The following PARD3 variants were observed in gnomAD, a reference collection of about 807,000 sequenced individuals.
PARD3 encodes the protein partitioning defective 3 homolog.
In PARD3, 75 loss-of-function variants were observed where a neutral mutation model predicts 155.4. The ratio of observed to expected loss-of-function variants is 0.48; its 90% confidence interval spans 0.40 to 0.58. The LOEUF (loss-of-function observed/expected upper bound fraction) is 0.58, where lower values mean the gene tolerates loss of function less well. Among genes scored for constraint, PARD3 ranks in the 20% least tolerant of loss-of-function variants. The pLI, the probability that PARD3 is intolerant of heterozygous loss-of-function variation, is 0.00. For missense variants in PARD3, 1,642 were observed against 1,721.7 expected, an observed-to-expected ratio of 0.95 and a Z score of 0.82; for synonymous variants, 576 against 610.5, an observed-to-expected ratio of 0.94 and a Z score of 0.83.
rs1564416239 is a variant in PARD3 at position 34,129,687 on chromosome 10, TAATGTCAAGCCTC to T, written c.3540+1763_3540+1775del. 7.0e-5 allele frequency among the ~76,000 whole-genome samples: 6 copies of T among 86,100 alleles called. 1 individual carries two copies. The highest frequency in any genetic ancestry group is 1.2e-4 in the Non-Finnish European group (4 of 34,552). 56.5% of individuals were successfully genotyped at this position (86,100 alleles called of 152,430 possible). A position where few individuals can be genotyped will look rare whatever the true frequency, so the allele number is the denominator to read the frequency against. On this transcript the variant is annotated intron_variant, in intron 23 of 24. Transcript: ENST00000374788. ...CAAATCAAATGTTCCTTTTTTTTTG[TAATGTCAAGCCTC>T]TTTTTTTTTTTTTTTTTTGAGCCAG...
chr10:34,657,521 AGTTTT>A (rs1158679958), intron 2 of PARD3, among the ~76,000 whole-genome samples: 5 of 138,088 alleles, frequency 3.6e-5, no homozygotes, highest in Non-Finnish European at 7.6e-5. Flanking sequence ...TCTGCTTCTC[AGTTTT>A]GTTTTGTTTG....
At chr10:34,189,002 G>A (rs1216962870) in intron 22 of PARD3, among the ~76,000 whole-genome samples, 3 of 152,030 alleles carry the variant, frequency 2.0e-5, no homozygotes, top group Non-Finnish European at 4.4e-5. Context: ...TCCTTCCAGA[G>A]GTTTTACGAG....
chr10:34,681,872 T>C (rs1325301749), intron 2 of PARD3, among the ~76,000 whole-genome samples: 1 of 143,352 alleles, frequency 7.0e-6, no homozygotes, highest in Non-Finnish European at 1.5e-5. Flanking sequence ...CCTCCCACTT[T>C]GGCCTCCCAA....
At chr10:34,176,810 T>C (rs140550182) in intron 22 of PARD3, among the ~76,000 whole-genome samples, 1,629 of 152,328 alleles carry the variant, frequency 0.011, 10 homozygotes, top group Middle Eastern at 0.02. Flanking sequence ...AGTCAGCCAA[T>C]GGTAAAACTC....
rs548009118 is a variant in PARD3, at chr10:34,711,634, G to A, written c.121-15215C>T. Among the ~76,000 whole-genome samples the A allele has an allele frequency of 1.8e-3, 277 of 152,276 alleles. 1 individual carries two copies. Among genetic ancestry groups the A allele is most frequent in the African/African-American group, 6.4e-3 (264 of 41,546 alleles). On this transcript the variant is annotated intron_variant, in intron 1 of 24. Coordinates refer to ENST00000374788, the MANE Select transcript of PARD3 (RefSeq NM_001184785.2). The stretch of plus-strand genomic sequence containing the variant: ...TCTCCAAAGGCAGGGGCCATCTTCA[G>A]CTTTTTTTAGCATAGAACAAACAAA...
chr10:34,335,368 TAATTA>T (rs1836062971), intron 18 of PARD3, among the ~76,000 whole-genome samples: 3 of 151,986 alleles, frequency 2.0e-5, no homozygotes, highest in African/African-American at 7.2e-5. Context: ...AAATTGAAGC[TAATTA>T]GTGCTAAGTA....
Position 34,368,410 on chromosome 10 carries a change from C to G in PARD3, c.1707+4088G>C, listed in dbSNP as rs906132486. Among the ~76,000 whole-genome samples the G allele has an allele frequency of 2.6e-5, 4 of 152,212 alleles. No homozygotes were observed. The South Asian group carries it at 8.3e-4, about 32-fold the overall frequency. Reference sequence around the variant, plus strand: ...AGAGCAGGCCGGGCGCGGTGGCTCACGCGTGTAATTCCAGCACTTTGGGAG... The same window carrying G: ...AGAGCAGGCCGGGCGCGGTGGCTCAGGCGTGTAATTCCAGCACTTTGGGAG... On this transcript the variant is annotated intron_variant, in intron 12 of 24. Transcript: ENST00000374788.
At chr10:34,703,365 T>A (rs2094312942) in intron 1 of PARD3, among the ~76,000 whole-genome samples, 1 of 151,558 alleles carries the variant, frequency 6.6e-6, no homozygotes, top group African/African-American at 2.4e-5. Flanking sequence ...CTCTAGCCTG[T>A]GTGACAGACA....
intron 2 of PARD3, among the ~76,000 whole-genome samples, chr10:34,552,936 C>T (rs2084704166): frequency 6.6e-6 from 1 of 152,108 alleles, no homozygotes; most frequent in Non-Finnish European, 1.5e-5. Flanking sequence ...AACAGTAACA[C>T]CAACTGAAAC....
At chr10:34,646,097 TA>T (rs1450870822) in intron 2 of PARD3, among the ~76,000 whole-genome samples, 2 of 152,172 alleles carry the variant, frequency 1.3e-5, no homozygotes, top group Non-Finnish European at 2.9e-5. Context: ...AAGTTAGAAA[TA>T]ACTGAATATA....
chr10:34,165,916 T>C (rs59887155), intron 22 of PARD3, among the ~76,000 whole-genome samples: 10,858 of 152,236 alleles, frequency 0.071, 997 homozygotes, highest in East Asian at 0.3. Flanking sequence ...CCTGAATATG[T>C]TGACAACATT....
intron 2 of PARD3, among the ~76,000 whole-genome samples, chr10:34,620,459 T>G (rs577054800): frequency 1.3e-5 from 2 of 152,362 alleles, no homozygotes; most frequent in African/African-American, 4.8e-5. Context: ...ATAAAAGAGC[T>G]GAAGTCAACA....
At chr10:34,332,829 CT>C (rs1296460083) in intron 18 of PARD3, among the ~76,000 whole-genome samples, 7 of 152,112 alleles carry the variant, frequency 4.6e-5, no homozygotes, top group Non-Finnish European at 4.4e-5. Flanking sequence ...ATCCATCTTA[CT>C]TTTTCTCTGG....
intron 2 of PARD3, among the ~76,000 whole-genome samples, chr10:34,657,746 C>A (rs2093215311): frequency 6.6e-6 from 1 of 151,932 alleles, no homozygotes; most frequent in Non-Finnish European, 1.5e-5. Context: ...GCCATGTTGG[C>A]CAAGCTGGTC....
chr10:34,288,533 A>G (rs1426074354), intron 20 of PARD3, among the ~76,000 whole-genome samples: 1 of 152,218 alleles, frequency 6.6e-6, no homozygotes, highest in African/African-American at 2.4e-5. Context: ...CCTAATTTAT[A>G]GTTGCTTAAT....
At chr10:34,505,047 AACTC>A (rs1225001195) in intron 3 of PARD3, among the ~76,000 whole-genome samples, 1 of 152,174 alleles carries the variant, frequency 6.6e-6, no homozygotes, top group Non-Finnish European at 1.5e-5. Context: ...AAAAAAAAAG[AACTC>A]TTGTTTATTG....
intron 5 of PARD3, among the ~76,000 whole-genome samples, chr10:34,448,131 C>CTGTGTG (rs1303608645): frequency 5.3e-5 from 6 of 112,752 alleles, no homozygotes; most frequent in African/African-American, 2.5e-4. Flanking sequence ...GTGATATACA[C>CTGTGTG]TGCGTGTGTG....
At chr10:34,747,897 A>G (rs1221775232) in intron 1 of PARD3, among the ~76,000 whole-genome samples, 1 of 152,210 alleles carries the variant, frequency 6.6e-6, no homozygotes, top group Non-Finnish European at 1.5e-5. Flanking sequence ...GCGGCTGGAA[A>G]AGTAAAAATC....
At chr10:34,320,000 A>G (rs1038463532) in intron 19 of PARD3, among the ~76,000 whole-genome samples, 1 of 152,170 alleles carries the variant, frequency 6.6e-6, no homozygotes, top group Non-Finnish European at 1.5e-5. Flanking sequence ...AAAGCTCTTT[A>G]TTTGTACAAT....
Sources: allele counts gnomAD v4.1 joint callset (sites outside exome capture counted in the v4.1 genomes callset), GRCh38; gene constraint gnomAD v4.1.1; transcripts MANE v1.5; gene names NCBI Gene and HGNC (gene_info 2026-07-23, HGNC 2026-07-21).